Variants in AOPEP observed in about 807,000 individuals in gnomAD.
AOPEP encodes aminopeptidase O (putative).
In AOPEP, 77 loss-of-function variants were observed where a neutral mutation model predicts 98.1. The observed-to-expected ratio is 0.78, with a 90% CI of 0.65 to 0.95. AOPEP has a LOEUF of 0.95. AOPEP is among the 40% of genes least tolerant of loss of function. The probability of loss-of-function intolerance (pLI) is 0.00; values close to 1 mark genes in which losing one functional copy is unlikely to be tolerated. For synonymous variants in AOPEP, 346 were observed against 365.3 expected, an observed-to-expected ratio of 0.95 and a Z score of 0.60; for missense variants, 1,024 against 1,024.7, an observed-to-expected ratio of 1.00 and a Z score of 0.01.
chr9:95,105,966 G>A, the AOPEP span, among the ~76,000 whole-genome samples: 34 of 152,160 alleles, frequency 2.2e-4, no homozygotes, highest in Non-Finnish European at 3.8e-4. Flanking sequence ...CCCTGCTTTC[G>A]GCTCTCTGGG....
intron 10 of AOPEP, among the ~76,000 whole-genome samples, chr9:94,975,145 C>T (rs945137616): frequency 2.6e-5 from 4 of 152,052 alleles, no homozygotes; most frequent in African/African-American, 4.8e-5. Flanking sequence ...ATGGGAGGAT[C>T]GTTTCATCCC....
intron 5 of AOPEP, among the ~76,000 whole-genome samples, chr9:94,887,171 C>T (rs576221963): frequency 1.3e-5 from 2 of 151,754 alleles, no homozygotes; most frequent in Non-Finnish European, 2.9e-5. Flanking sequence ...TGAGACCCCC[C>T]CCGTCTCTAC....
intron 1 of AOPEP, among the ~76,000 whole-genome samples, chr9:94,741,352 A>C (rs1185005810): frequency 2.4e-4 from 36 of 151,606 alleles, no homozygotes; most frequent in Admixed American, 2.2e-3. Context: ...GGCTCACTGC[A>C]AGCTCCGCCT....
At chr9:95,088,707 A>G (rs564448874), downstream of AOPEP, among the ~76,000 whole-genome samples, 3 of 152,266 alleles carry the variant, frequency 2.0e-5, no homozygotes, top group South Asian at 6.2e-4. Context: ...TGCTTTTCCA[A>G]AAAGTGAAAG....
chr9:94,909,372 AT>A (rs2051665474), intron 5 of AOPEP, among the ~76,000 whole-genome samples: 2 of 140,888 alleles, frequency 1.4e-5, no homozygotes, highest in African/African-American at 2.6e-5. Flanking sequence ...AAAAAAAAGA[AT>A]GAGAAAATTT....
the AOPEP span, among the ~76,000 whole-genome samples, chr9:95,143,248 G>A: frequency 1.1e-4 from 16 of 152,290 alleles, no homozygotes; most frequent in Admixed American, 6.5e-4. Flanking sequence ...CTCCAGGCAC[G>A]TCACCTTCCC....
At chr9:94,839,911 A>G (rs1240520788) in intron 5 of AOPEP, among the ~76,000 whole-genome samples, 1 of 152,038 alleles carries the variant, frequency 6.6e-6, no homozygotes, top group Non-Finnish European at 1.5e-5. Context: ...TGGTGCTATA[A>G]GCACCCCACC....
At chr9:94,963,683 T>C (rs531331633) in intron 9 of AOPEP, among the ~76,000 whole-genome samples, 9 of 152,234 alleles carry the variant, frequency 5.9e-5, no homozygotes, top group South Asian at 2.1e-4. Context: ...CCCCTACTAT[T>C]TGTTGCTAGC....
chr9:95,137,116 A>G, the AOPEP span, among the ~76,000 whole-genome samples: 1 of 152,190 alleles, frequency 6.6e-6, no homozygotes, highest in African/African-American at 2.4e-5. Context: ...TAAGCCTCCC[A>G]CCGACCCAAC....
intron 5 of AOPEP, among the ~76,000 whole-genome samples, chr9:94,841,834 T>A (rs1043026655): frequency 6.6e-6 from 1 of 152,168 alleles, no homozygotes; most frequent in Non-Finnish European, 1.5e-5. Context: ...GGAGGACTGC[T>A]TGAACCCAGG....
chr9:95,148,391 A>T, the AOPEP span, among the ~76,000 whole-genome samples: 1 of 152,378 alleles, frequency 6.6e-6, no homozygotes. Context: ...GCAGACAGGC[A>T]GTGGTCAGTC....
intron 14 of AOPEP, among the ~76,000 whole-genome samples, chr9:95,062,870 G>T (rs2133948188): frequency 6.6e-6 from 1 of 152,326 alleles, no homozygotes; most frequent in African/African-American, 2.4e-5. Flanking sequence ...GCTCTTCATG[G>T]AGGCAATGCC....
At chr9:94,809,553 C>T (rs1850006148) in intron 5 of AOPEP, among the ~76,000 whole-genome samples, 1 of 152,214 alleles carries the variant, frequency 6.6e-6, no homozygotes, top group Non-Finnish European at 1.5e-5. Context: ...ACCTGACCTG[C>T]ATGCGTCAGG....
intron 5 of AOPEP, among the ~76,000 whole-genome samples, chr9:94,859,739 G>C (rs2044695655): frequency 6.6e-6 from 1 of 152,186 alleles, no homozygotes; most frequent in Non-Finnish European, 1.5e-5. Flanking sequence ...CAGCTAACCT[G>C]TGTTGGAATC....
intron 5 of AOPEP, among the ~76,000 whole-genome samples, chr9:94,819,592 A>G (rs985852506): frequency 6.6e-6 from 1 of 152,154 alleles, no homozygotes; most frequent in African/African-American, 2.4e-5. Flanking sequence ...GTTTAGTTTT[A>G]GGGATAGGAT....
At chr9:94,953,740 C>G (rs1285219992) in intron 7 of AOPEP, among the ~76,000 whole-genome samples, 1 of 152,168 alleles carries the variant, frequency 6.6e-6, no homozygotes, top group Non-Finnish European at 1.5e-5. Flanking sequence ...TTCTGATGCA[C>G]CAACCCTCTC....
chr9:94,884,095 T>G (rs930189582), intron 5 of AOPEP, among the ~76,000 whole-genome samples: 26 of 152,234 alleles, frequency 1.7e-4, no homozygotes, highest in African/African-American at 6.3e-4. Context: ...TGCTTGGACC[T>G]GCCCTCTGGG....
chr9:94,928,358 A>T, intron 6 of AOPEP, 67 bp from the exon 7 acceptor site: 1 of 1,161,198 alleles, frequency 8.6e-7, no homozygotes, highest in African/African-American at 1.5e-5. Context: ...AAAGTGAGCC[A>T]TTGCACCAGG....
At chr9:94,844,456 C>A (rs576174327) in intron 5 of AOPEP, among the ~76,000 whole-genome samples, 9 of 152,260 alleles carry the variant, frequency 5.9e-5, no homozygotes, top group African/African-American at 2.2e-4. Flanking sequence ...GAGTAATTAT[C>A]ATGTCCATCA....
Sources: gnomAD v4.1 joint callset for allele counts (sites outside exome capture counted in the v4.1 genomes callset) on GRCh38, gnomAD v4.1.1 for gene constraint, MANE v1.5 for transcripts, NCBI Gene and HGNC (gene_info 2026-07-23, HGNC 2026-07-21) for gene names.